The following PARPBP variants were observed in gnomAD, a reference collection of about 807,000 sequenced individuals.
PARPBP encodes the protein PARP1 binding protein, also known as PCNA-interacting partner.
In PARPBP, 52 loss-of-function variants were observed where a neutral mutation model predicts 50.0. The ratio of observed to expected loss-of-function variants is 1.04; its 90% CI spans 0.83 to 1.31. The LOEUF is 1.31. PARPBP is among the 50% of genes most tolerant of loss of function. The pLI is 0.00. For synonymous variants in PARPBP, 244 were observed against 232.1 expected, an observed-to-expected ratio of 1.05 and a Z score of -0.47; for missense variants, 697 against 672.0, an observed-to-expected ratio of 1.04 and a Z score of -0.41.
At chr12:102,147,840 G>A (rs781334994) in intron 2 of PARPBP, among the ~76,000 whole-genome samples, 17 of 151,624 alleles carry the variant, frequency 1.1e-4, no homozygotes, top group African/African-American at 4.1e-4. Flanking sequence ...AAATAGATTC[G>A]CCAAAAGAAC....
At chr12:102,173,419 A>G (rs1283469394) in intron 6 of PARPBP, among the ~76,000 whole-genome samples, 1 of 152,228 alleles carries the variant, frequency 6.6e-6, no homozygotes, top group Non-Finnish European at 1.5e-5. Context: ...AATAGGAGAT[A>G]TAACAGTTGA....
intron 5 of PARPBP, among the ~76,000 whole-genome samples, chr12:102,164,896 T>C (rs1423011916): frequency 6.6e-6 from 1 of 152,204 alleles, no homozygotes; most frequent in Non-Finnish European, 1.5e-5. Flanking sequence ...AAATGTTCTT[T>C]GAATAAATGT....
intron 3 of PARPBP, chr12:102,150,406 T>C: frequency 2.9e-6 from 1 of 345,830 alleles, no homozygotes; most frequent in South Asian, 2.1e-5. Flanking sequence ...GTTTTGAATG[T>C]CATGATCCTG....
intron 8 of PARPBP, among the ~76,000 whole-genome samples, chr12:102,181,571 A>G (rs1360726825): frequency 6.6e-6 from 1 of 152,208 alleles, no homozygotes; most frequent in Non-Finnish European, 1.5e-5. Flanking sequence ...TTATGGCATC[A>G]CTGTCAAATA....
intron 2 of PARPBP, among the ~76,000 whole-genome samples, chr12:102,134,707 T>G (rs1329909600): frequency 6.6e-6 from 1 of 152,206 alleles, no homozygotes; most frequent in Non-Finnish European, 1.5e-5. Flanking sequence ...AGACAGGCTC[T>G]CACTCTGTCG....
chr12:102,140,140 A>C (rs925441863), intron 2 of PARPBP, among the ~76,000 whole-genome samples: 3 of 152,086 alleles, frequency 2.0e-5, no homozygotes. Flanking sequence ...GTAGGCTATT[A>C]ATTATTGCCT....
At chr12:102,159,245 C>G (rs1039493318) in intron 4 of PARPBP, among the ~76,000 whole-genome samples, 7 of 151,812 alleles carry the variant, frequency 4.6e-5, no homozygotes, top group Non-Finnish European at 8.8e-5. Flanking sequence ...ATTCTCCTGC[C>G]TTAGCCTCCT....
intron 6 of PARPBP, among the ~76,000 whole-genome samples, chr12:102,174,447 C>T (rs1373564450): frequency 6.6e-6 from 1 of 152,228 alleles, no homozygotes; most frequent in East Asian, 1.9e-4. Context: ...GTAAAACATA[C>T]AACCTGGCAA....
intron 4 of PARPBP, among the ~76,000 whole-genome samples, chr12:102,158,967 T>A (rs1335412250): frequency 3.3e-5 from 5 of 152,224 alleles, no homozygotes; most frequent in Non-Finnish European, 5.9e-5. Context: ...TTTCTAACTT[T>A]TGCTTTCTTG....
At chr12:102,132,438 A>G (rs1883009585) in intron 2 of PARPBP, among the ~76,000 whole-genome samples, 1 of 152,182 alleles carries the variant, frequency 6.6e-6, no homozygotes, top group Non-Finnish European at 1.5e-5. Flanking sequence ...TGTTTTTTGT[A>G]TCTTTTTTCA....
chr12:102,125,024 T>G (rs1322864287), intron 2 of PARPBP, among the ~76,000 whole-genome samples: 1 of 152,268 alleles, frequency 6.6e-6, no homozygotes, highest in Non-Finnish European at 1.5e-5. Flanking sequence ...GGATAGTGTT[T>G]TCTACCTGTG....
In PARPBP at chr12:102,196,183, G is replaced by A. The variant is rs773472470; in HGVS notation, c.1632G>A (p.Gln544=). 1.2e-6 allele frequency: 2 copies of A among 1,611,944 alleles called. No homozygotes were observed. Among genetic ancestry groups the A allele is most frequent in the Non-Finnish European group, 1.7e-6 (2 of 1,178,504 alleles). ...AKIPKKSNDS[Q]NRLYGKLAKV... ...TACCTAAGAAATCAAATGATTCACA[G>A]AATAGATTGTACGGCAAACTAGCTA... The change falls in exon 11 of 11, where the codon CAG becomes CAA. Residue 544 remains glutamine (Q), a synonymous_variant. Transcript: ENST00000327680.
At chr12:102,165,187 G>A (rs1174986865) in intron 5 of PARPBP, among the ~76,000 whole-genome samples, 4 of 152,118 alleles carry the variant, frequency 2.6e-5, no homozygotes, top group African/African-American at 9.7e-5. Flanking sequence ...TTTTATCATT[G>A]TAAGGACAAG....
At chr12:102,159,993 C>G (rs1294248030) in intron 4 of PARPBP, among the ~76,000 whole-genome samples, 4 of 152,160 alleles carry the variant, frequency 2.6e-5, no homozygotes, top group Admixed American at 6.5e-5. Context: ...AACAAATAAA[C>G]AGAACAGTAT....
intron 3 of PARPBP, chr12:102,148,998 A>G (rs1565871662): frequency 6.6e-6 from 1 of 152,210 alleles, no homozygotes; most frequent in Non-Finnish European, 1.5e-5. Flanking sequence ...ATGGAGTAGT[A>G]TCCCTTGCAG....
chr12:102,184,709 C>T (rs1324606824), intron 9 of PARPBP, among the ~76,000 whole-genome samples: 2 of 152,108 alleles, frequency 1.3e-5, no homozygotes, highest in Non-Finnish European at 2.9e-5. Flanking sequence ...GAAAGCATTG[C>T]TTATGTTTTT....
intron 3 of PARPBP, among the ~76,000 whole-genome samples, chr12:102,152,900 C>A (rs1231063605): frequency 7.4e-6 from 1 of 134,396 alleles, no homozygotes; most frequent in African/African-American, 2.8e-5. Context: ...TCATGAAGTA[C>A]TTAGTAATTT....
intron 9 of PARPBP, among the ~76,000 whole-genome samples, chr12:102,188,933 A>T (rs1365051799): frequency 6.6e-6 from 1 of 152,158 alleles, no homozygotes. Context: ...AAGACCAGAC[A>T]CAGCATTAGG....
intron 6 of PARPBP, among the ~76,000 whole-genome samples, chr12:102,170,280 T>G (rs1409251042): frequency 6.6e-6 from 1 of 152,234 alleles, no homozygotes; most frequent in African/African-American, 2.4e-5. Flanking sequence ...CATGCGCCAC[T>G]TGATGAGAAT....
Sources: allele counts gnomAD v4.1 joint callset (sites outside exome capture counted in the v4.1 genomes callset), GRCh38; gene constraint gnomAD v4.1.1; transcripts MANE v1.5; gene names NCBI Gene and HGNC (gene_info 2026-07-23, HGNC 2026-07-21).